Variants in RASEF observed in about 807,000 individuals in gnomAD.
RASEF encodes the protein ras and EF-hand domain-containing protein.
Under a neutral mutation model 90.1 loss-of-function variants are expected in RASEF, and 68 were observed. The ratio of observed to expected loss-of-function variants is 0.75; its 90% CI spans 0.62 to 0.92. The LOEUF is 0.92. Ranked by LOEUF, RASEF falls within the 40% of genes least tolerant of loss-of-function variation. The probability of loss-of-function intolerance (pLI) is 0.00; values close to 1 mark genes in which losing one functional copy is unlikely to be tolerated. For synonymous variants in RASEF, 331 were observed against 345.2 expected (o/e 0.96, Z 0.46); for missense variants, 949 against 937.2 (o/e 1.01, Z -0.16).
At chr9:83,116,352 T>C in the RASEF span, among the ~76,000 whole-genome samples, 2 of 152,192 alleles carry the variant, frequency 1.3e-5, no homozygotes. Flanking sequence ...AATAAGCTAT[T>C]ATGCAATTCA....
At chr9:83,113,666 G>A in the RASEF span, among the ~76,000 whole-genome samples, 7 of 152,246 alleles carry the variant, frequency 4.6e-5, no homozygotes, top group Non-Finnish European at 5.9e-5. Flanking sequence ...TGTCTTATGC[G>A]GTTGAGATAA....
At chr9:83,138,090 T>C in the RASEF span, among the ~76,000 whole-genome samples, 1 of 151,970 alleles carries the variant, frequency 6.6e-6, no homozygotes, top group Non-Finnish European at 1.5e-5. Context: ...GTCTACAGAA[T>C]TGACATTAGT....
chr9:83,001,169 G>A, intron 9 of RASEF, 39 bp from the exon 10 acceptor site: 1 of 1,476,980 alleles, frequency 6.8e-7, no homozygotes, highest in Non-Finnish European at 9.4e-7. Flanking sequence ...CTGAGGGCTG[G>A]AAATGCTCAA....
the RASEF span, among the ~76,000 whole-genome samples, chr9:83,145,097 T>G: frequency 1.3e-5 from 2 of 152,202 alleles, no homozygotes; most frequent in Non-Finnish European, 2.9e-5. Context: ...CAAGGAATCT[T>G]TGGAGGTGCC....
the RASEF span, among the ~76,000 whole-genome samples, chr9:83,190,196 C>T: frequency 4.5e-4 from 69 of 152,310 alleles, no homozygotes; most frequent in African/African-American, 1.5e-3. Context: ...GCCAGAAACG[C>T]TGTATGTACT....
chr9:83,074,438 A>T, the RASEF span, among the ~76,000 whole-genome samples: 1 of 152,204 alleles, frequency 6.6e-6, no homozygotes, highest in Non-Finnish European at 1.5e-5. Context: ...TACCTAAGTT[A>T]AAAACCAGCC....
chr9:83,049,290 T>C (rs745925913), intron 1 of RASEF: 276 of 984,842 alleles, frequency 2.8e-4, no homozygotes, highest in Non-Finnish European at 3.2e-4. Flanking sequence ...ATCAATGACA[T>C]CAGAATTAGC....
At chr9:83,136,216 A>G in the RASEF span, among the ~76,000 whole-genome samples, 1 of 152,092 alleles carries the variant, frequency 6.6e-6, no homozygotes, top group South Asian at 2.1e-4. Flanking sequence ...TATAGTTACA[A>G]TCATATAATA....
At chr9:83,049,482 G>C (rs2118677578) in intron 1 of RASEF, among the ~76,000 whole-genome samples, 1 of 143,048 alleles carries the variant, frequency 7.0e-6, no homozygotes, top group South Asian at 2.4e-4. Context: ...GTCACCTTCA[G>C]ATTATGTGAA....
the RASEF span, among the ~76,000 whole-genome samples, chr9:83,130,716 T>C: frequency 6.6e-6 from 1 of 152,194 alleles, no homozygotes; most frequent in Non-Finnish European, 1.5e-5. Flanking sequence ...TATAATGTTC[T>C]TGTCTTCAGT....
chr9:83,065,033 A>C (rs1332737480), upstream of RASEF, among the ~76,000 whole-genome samples: 1 of 152,182 alleles, frequency 6.6e-6, no homozygotes, highest in Non-Finnish European at 1.5e-5. Flanking sequence ...GCGCCACTGC[A>C]CTCCAGCCTG....
intron 1 of RASEF, among the ~76,000 whole-genome samples, chr9:83,034,315 C>G (rs996160249): frequency 4.6e-5 from 7 of 152,230 alleles, no homozygotes; most frequent in Admixed American, 1.3e-4. Context: ...TGAGGCTTCT[C>G]TGGCTTCAGT....
chr9:83,144,443 A>AG, the RASEF span, among the ~76,000 whole-genome samples: 2 of 145,748 alleles, frequency 1.4e-5, no homozygotes, highest in East Asian at 2.0e-4. Context: ...AGGAAAAGAA[A>AG]AAAGAAAAGA....
At chr9:83,190,024 G>T in the RASEF span, among the ~76,000 whole-genome samples, 2 of 151,998 alleles carry the variant, frequency 1.3e-5, no homozygotes, top group African/African-American at 4.8e-5. Context: ...TGTTCTGCTC[G>T]CCCACTTCGC....
the RASEF span, among the ~76,000 whole-genome samples, chr9:83,164,208 A>G: frequency 1.8e-3 from 267 of 151,386 alleles, no homozygotes; most frequent in African/African-American, 6.1e-3. Context: ...ACATAAAGAA[A>G]GGATGAGCAT....
the RASEF span, among the ~76,000 whole-genome samples, chr9:83,086,643 G>T: frequency 2.6e-5 from 4 of 152,148 alleles, no homozygotes; most frequent in Non-Finnish European, 5.9e-5. Context: ...GAGGGAGTTT[G>T]TTTCCAAGCT....
chr9:83,092,998 T>C, the RASEF span, among the ~76,000 whole-genome samples: 2 of 150,954 alleles, frequency 1.3e-5, no homozygotes, highest in Non-Finnish European at 1.5e-5. Context: ...AAAGTGCCGA[T>C]TGGTGTATTT....
chr9:83,011,326 G>A (rs895628800), intron 5 of RASEF, among the ~76,000 whole-genome samples: 2 of 151,986 alleles, frequency 1.3e-5, no homozygotes, highest in African/African-American at 2.4e-5. Context: ...AGGCCAAAGC[G>A]GGTGATCATG....
the RASEF span, among the ~76,000 whole-genome samples, chr9:83,092,025 T>TTTTTTTTTTTTTTTTTTTTTG: frequency 7.1e-6 from 1 of 140,230 alleles, no homozygotes; most frequent in Non-Finnish European, 1.5e-5. Flanking sequence ...TTTTTTTTTT[T>TTTTTTTTTTTTTTTTTTTTTG]TTTTTTGCTA....
Sources: allele counts gnomAD v4.1 joint callset (sites outside exome capture counted in the v4.1 genomes callset), GRCh38; gene constraint gnomAD v4.1.1; transcripts MANE v1.5; gene names NCBI Gene and HGNC (gene_info 2026-07-23, HGNC 2026-07-21).